SUCLG2: variants seen among roughly 807,000 people sequenced by gnomAD.
The protein encoded by SUCLG2 is succinate-CoA ligase GDP-forming subunit beta, also known as succinate--CoA ligase [GDP-forming] subunit beta, mitochondrial.
Under a neutral mutation model 47.9 loss-of-function variants are expected in SUCLG2, and 42 were observed. That is an observed-to-expected ratio of 0.88 (90% CI 0.69 to 1.14). The LOEUF is 1.14. Ranked by LOEUF, SUCLG2 falls within the 50% of genes most tolerant of loss-of-function variation. The pLI is 0.00. For missense variants in SUCLG2, 571 were observed against 525.9 expected, an observed-to-expected ratio of 1.09 and a Z score of -0.84; for synonymous variants, 195 against 197.3, an observed-to-expected ratio of 0.99 and a Z score of 0.10.
intron 10 of SUCLG2, among the ~76,000 whole-genome samples, chr3:67,377,254 G>A (rs1485719363): frequency 6.6e-6 from 1 of 152,244 alleles, no homozygotes; most frequent in African/African-American, 2.4e-5. Context: ...AACGCTGCAT[G>A]TTCTAAAGAT....
chr3:67,456,895 T>C (rs560167925), intron 9 of SUCLG2, among the ~76,000 whole-genome samples: 1 of 151,980 alleles, frequency 6.6e-6, no homozygotes, highest in African/African-American at 2.4e-5. Flanking sequence ...CACCAAAATA[T>C]GAATGTGGAC....
intron 2 of SUCLG2, among the ~76,000 whole-genome samples, chr3:67,581,705 G>A (rs538650787): frequency 4.7e-4 from 71 of 152,234 alleles, no homozygotes; most frequent in African/African-American, 1.6e-3. Context: ...TCAAAATGAC[G>A]CCTAACTCGA....
intron 9 of SUCLG2, among the ~76,000 whole-genome samples, chr3:67,410,171 G>T (rs988936877): frequency 6.6e-6 from 1 of 152,172 alleles, no homozygotes. Context: ...TGGTTAGGTG[G>T]CACAGAGATC....
rs117008758 is a variant in SUCLG2 at position 67,648,064 on chromosome 3, G to A, written c.84+6439C>T. 1.4e-4 allele frequency among the ~76,000 whole-genome samples: 22 copies of A among 152,216 alleles called. No individual in the cohort carries two copies. In the East Asian group the frequency reaches 3.9e-3, roughly 27 times the overall value. ...AAATAATCATCCTGGGCCCACCATC[G>A]GGTCATATGCCAAATGTCTTAAATA... On this transcript the variant is annotated intron_variant, in intron 1 of 10. Coordinates refer to ENST00000307227, the MANE Select transcript of SUCLG2 (RefSeq NM_003848.4).
intron 9 of SUCLG2, among the ~76,000 whole-genome samples, chr3:67,437,285 G>A (rs565422359): frequency 1.3e-5 from 2 of 152,120 alleles, no homozygotes; most frequent in Admixed American, 1.3e-4. Context: ...ACAAGAGCCT[G>A]AACAACAAGA....
chr3:67,534,767 G>GAAAAAAAAAAA (rs2075781187), intron 2 of SUCLG2, among the ~76,000 whole-genome samples: 1 of 34,328 alleles, frequency 2.9e-5, no homozygotes, highest in African/African-American at 1.7e-4. Flanking sequence ...AACACTGATG[G>GAAAAAAAAAAA]CAAAAAAAAA....
At chr3:67,578,042 C>T (rs146864572) in intron 2 of SUCLG2, among the ~76,000 whole-genome samples, 1 of 151,950 alleles carries the variant, frequency 6.6e-6, no homozygotes, top group East Asian at 1.9e-4. Context: ...TATTTTGTAT[C>T]TTCCTTTCTT....
intron 10 of SUCLG2, among the ~76,000 whole-genome samples, chr3:67,390,148 G>A (rs1415248102): frequency 6.6e-6 from 1 of 152,192 alleles, no homozygotes; most frequent in African/African-American, 2.4e-5. Context: ...CCAGATAACA[G>A]ACATTTCAAA....
intron 10 of SUCLG2, among the ~76,000 whole-genome samples, chr3:67,388,411 A>G (rs1702305132): frequency 6.6e-6 from 1 of 152,214 alleles, no homozygotes; most frequent in South Asian, 2.1e-4. Flanking sequence ...TCGGATAGAT[A>G]CAGGGTCTCA....
At chr3:67,638,951 C>T (rs1051782000) in intron 1 of SUCLG2, among the ~76,000 whole-genome samples, 4 of 152,104 alleles carry the variant, frequency 2.6e-5, no homozygotes, top group Admixed American at 2.6e-4. Flanking sequence ...GAACTTCCTC[C>T]CTCATAGAAG....
intron 9 of SUCLG2, among the ~76,000 whole-genome samples, chr3:67,419,873 G>C (rs149723250): frequency 2.6e-4 from 40 of 152,294 alleles, no homozygotes; most frequent in African/African-American, 9.4e-4. Flanking sequence ...AAAATCAAAA[G>C]CTGCTGAACC....
Position 67,421,774 on chromosome 3 carries a change from G to A in SUCLG2, c.1063-20923C>T, listed in dbSNP as rs1229036317. 5.3e-5 allele frequency among the ~76,000 whole-genome samples: 8 copies of A among 152,158 alleles called. No homozygotes were observed. In the East Asian group the frequency reaches 7.7e-4, roughly 15 times the overall value. On this transcript the variant is annotated intron_variant, in intron 9 of 10. Transcript: ENST00000307227. ...TCAAATTTGGCTTTTATTAATAAATGAAGAATGAAGACAAAAATTGCAAAT... is the reference window on the plus strand; with the variant it reads ...TCAAATTTGGCTTTTATTAATAAATAAAGAATGAAGACAAAAATTGCAAAT...
chr3:67,401,742 T>C (rs1204677500), intron 9 of SUCLG2, among the ~76,000 whole-genome samples: 1 of 152,280 alleles, frequency 6.6e-6, no homozygotes, highest in East Asian at 1.9e-4. Flanking sequence ...GGCATCAAAA[T>C]TCCAACAGTA....
intron 4 of SUCLG2, among the ~76,000 whole-genome samples, chr3:67,522,122 G>A (rs1275720185): frequency 1.3e-5 from 2 of 151,590 alleles, no homozygotes; most frequent in Admixed American, 6.6e-5. Context: ...TGGCACAATC[G>A]TGGCTCACTG....
At chr3:67,484,664 T>C (rs1705006561) in intron 9 of SUCLG2, among the ~76,000 whole-genome samples, 1 of 152,110 alleles carries the variant, frequency 6.6e-6, no homozygotes, top group African/African-American at 2.4e-5. Context: ...TCTGAGCAAT[T>C]TTACAGAATT....
intron 10 of SUCLG2, among the ~76,000 whole-genome samples, chr3:67,396,774 T>C (rs143520356): frequency 0.049 from 7,535 of 152,262 alleles, 254 homozygotes; most frequent in Middle Eastern, 0.12. Flanking sequence ...AAATCCTCAA[T>C]AAAATACTGG....
At chr3:67,417,024 G>T (rs1253168574) in intron 9 of SUCLG2, among the ~76,000 whole-genome samples, 1 of 151,772 alleles carries the variant, frequency 6.6e-6, no homozygotes, top group Non-Finnish European at 1.5e-5. Flanking sequence ...AAAAAAAGAT[G>T]AAGAAAGCTA....
At position 67,483,645 on chromosome 3, in the gene SUCLG2, G is replaced by A. The variant is rs542564009; in HGVS notation, c.1062+12153C>T. Among the ~76,000 whole-genome samples, 5 of 152,322 alleles carry A rather than the reference G, an allele frequency of 3.3e-5. No individual in the cohort carries two copies. The South Asian group carries it at 1.0e-3, about 32-fold the overall frequency. ...TTTCACTCACTGCTTTATCCTCAGTGCCTATAAGAATGCCTGGCAGGGATG... is the reference window on the plus strand; with the variant it reads ...TTTCACTCACTGCTTTATCCTCAGTACCTATAAGAATGCCTGGCAGGGATG... On this transcript the variant is annotated intron_variant, in intron 9 of 10. Coordinates refer to ENST00000307227, the MANE Select transcript of SUCLG2 (RefSeq NM_003848.4).
intron 1 of SUCLG2, among the ~76,000 whole-genome samples, chr3:67,626,442 C>A (rs1303085565): frequency 6.6e-6 from 1 of 151,954 alleles, no homozygotes; most frequent in African/African-American, 2.4e-5. Flanking sequence ...TGAAATAGTG[C>A]CTCAGGGGAC....
Sources: allele counts gnomAD v4.1 joint callset (sites outside exome capture counted in the v4.1 genomes callset), GRCh38; gene constraint gnomAD v4.1.1; transcripts MANE v1.5; gene names NCBI Gene and HGNC (gene_info 2026-07-23, HGNC 2026-07-21).